The following PGM5 variants were observed in gnomAD, a reference collection of about 807,000 sequenced individuals.
The protein encoded by PGM5 is phosphoglucomutase-like protein 5.
In PGM5, 23 loss-of-function variants were observed where a neutral mutation model predicts 59.2. The ratio of observed to expected loss-of-function variants is 0.39; its 90% CI spans 0.28 to 0.55. The LOEUF is 0.55. Among genes scored for constraint, PGM5 ranks in the 20% least tolerant of loss-of-function variants. PGM5 has a pLI of 0.66. For synonymous variants in PGM5, 214 were observed against 286.0 expected (o/e 0.75, Z 2.54); for missense variants, 574 against 748.3 (o/e 0.77, Z 2.72).
chr9:68,509,551 T>C (rs531653587), intron 10 of PGM5, among the ~76,000 whole-genome samples: 12 of 152,204 alleles, frequency 7.9e-5, no homozygotes, highest in African/African-American at 2.4e-4. Context: ...ATTGAAGAGA[T>C]AGTTTGTTAC....
rs1475907657 is a variant in PGM5 at position 68,458,642 on chromosome 9, A to AGTT, written c.1044-6451_1044-6450insGTT. Among the ~76,000 whole-genome samples, 120 of 152,284 alleles carry AGTT rather than the reference A, an allele frequency of 7.9e-4. 1 individual carries two copies. In the East Asian group the frequency reaches 0.02, roughly 26 times the overall value. ...AGACAGGCAAGGCAGGGGTTATTTA[A>AGTT]TATGTGGATTTTGAAGTTTAGACCA... On this transcript the variant is annotated intron_variant, in intron 6 of 10. Coordinates refer to ENST00000396396, the MANE Select transcript of PGM5 (RefSeq NM_021965.4).
intron 10 of PGM5, among the ~76,000 whole-genome samples, chr9:68,509,072 A>T (rs1208731447): frequency 6.6e-6 from 1 of 152,144 alleles, no homozygotes; most frequent in African/African-American, 2.4e-5. Context: ...CTTCATTCAC[A>T]TGGGGAATAC....
At chr9:68,431,560 A>G (rs1554683030) in intron 6 of PGM5, among the ~76,000 whole-genome samples, 2 of 152,094 alleles carry the variant, frequency 1.3e-5, no homozygotes, top group African/African-American at 4.8e-5. Context: ...TGAACTTTCC[A>G]AAAGAGGCAA....
intron 6 of PGM5, among the ~76,000 whole-genome samples, chr9:68,457,323 C>T (rs960395081): frequency 3.9e-5 from 6 of 152,156 alleles, no homozygotes; most frequent in Non-Finnish European, 5.9e-5. Context: ...GTCCCTGTGG[C>T]CTTGCTGAAA....
intron 6 of PGM5, among the ~76,000 whole-genome samples, chr9:68,417,617 T>TAC (rs1288528669): frequency 6.6e-6 from 1 of 152,164 alleles, no homozygotes; most frequent in East Asian, 1.9e-4. Flanking sequence ...TGGAGATTAG[T>TAC]ACATTACACA....
At chr9:68,376,472 G>C (rs1177625136) in intron 1 of PGM5, among the ~76,000 whole-genome samples, 1 of 128,318 alleles carries the variant, frequency 7.8e-6, no homozygotes, top group Admixed American at 8.2e-5. Context: ...CTTTGCTTTT[G>C]AGCTGTGTGT....
At position 68,475,241 on chromosome 9, in the gene PGM5, G is replaced by T. The variant is rs1468300318; in HGVS notation, c.1160-4177G>T. Among the ~76,000 whole-genome samples, 5 of 143,730 alleles carry T rather than the reference G, an allele frequency of 3.5e-5. No individual in the cohort carries two copies. In the Admixed American group the frequency reaches 3.6e-4, roughly 10 times the overall value. 94.3% of individuals were successfully genotyped at this position (143,730 alleles called of 152,430 possible). A position where few individuals can be genotyped will look rare whatever the true frequency, so the allele number is the denominator to read the frequency against. ...GTAGAGACGAGGTTTCACCATGTTG[G>T]CCAGGCTGGTCTCAAACTCCTGACC... On this transcript the variant is annotated intron_variant, in intron 7 of 10. Transcript: ENST00000396396.
chr9:68,502,607 C>T (rs923785), intron 10 of PGM5, among the ~76,000 whole-genome samples: 64,988 of 152,050 alleles, frequency 0.43, 15,269 homozygotes, highest in Non-Finnish European at 0.51. Context: ...CAGTCACACC[C>T]GATCTCACCC....
At chr9:68,497,167 T>C (rs782172580) in intron 9 of PGM5, 1 of 152,248 alleles carries the variant, frequency 6.6e-6, no homozygotes, top group Non-Finnish European at 1.5e-5. Flanking sequence ...ATTTGGAATT[T>C]TGTAACTATT....
chr9:68,380,233 A>G (rs7045195), intron 2 of PGM5, among the ~76,000 whole-genome samples: 31 of 146,796 alleles, frequency 2.1e-4, no homozygotes, highest in Admixed American at 4.8e-4. Context: ...AAAGATTGAA[A>G]TCATGTCTAG....
intron 6 of PGM5, among the ~76,000 whole-genome samples, chr9:68,454,783 T>C (rs1260702105): frequency 6.6e-6 from 1 of 152,236 alleles, no homozygotes; most frequent in Non-Finnish European, 1.5e-5. Context: ...GCAGCGCATG[T>C]TTGCCTGCCT....
At chr9:68,434,814 G>T (rs549238283) in intron 6 of PGM5, among the ~76,000 whole-genome samples, 2 of 152,182 alleles carry the variant, frequency 1.3e-5, no homozygotes, top group East Asian at 3.9e-4. Context: ...TGATCTCTCT[G>T]TGATGTAGGG....
At chr9:68,466,019 C>A in intron 7 of PGM5, 1 of 558,620 alleles carries the variant, frequency 1.8e-6, no homozygotes, top group Non-Finnish European at 2.8e-6. Context: ...ATTATTTTTT[C>A]AAATATTTCT....
chr9:68,381,499 A>G (rs1323292080), intron 2 of PGM5, among the ~76,000 whole-genome samples: 1 of 151,966 alleles, frequency 6.6e-6, no homozygotes, highest in Non-Finnish European at 1.5e-5. Flanking sequence ...TCTATTCAAC[A>G]TAGTTTTGGA....
chr9:68,477,026 A>T lies in PGM5; in HGVS notation c.1160-2392A>T, dbSNP rs375645785. Among the ~76,000 whole-genome samples, 46 of 152,312 alleles carry T rather than the reference A, an allele frequency of 3.0e-4. 1 individual carries two copies. The South Asian group carries it at 7.9e-3, about 26-fold the overall frequency. The stretch of plus-strand genomic sequence containing the variant: ...TAAAAGGACAAAAGGTTTTGAAGTG[A>T]TCCCACTGGGCAGGGTTTCCTAAAC... On this transcript the variant is annotated intron_variant, in intron 7 of 10. Coordinates refer to ENST00000396396, the MANE Select transcript of PGM5 (RefSeq NM_021965.4).
At chr9:68,487,447 C>CTGTG (rs138391220) in intron 9 of PGM5, among the ~76,000 whole-genome samples, 3 of 146,746 alleles carry the variant, frequency 2.0e-5, no homozygotes, top group East Asian at 2.0e-4. Context: ...CTCTCTCTCT[C>CTGTG]TGTGTCACAC....
chr9:68,428,357 T>C (rs1304480431), intron 6 of PGM5, among the ~76,000 whole-genome samples: 1 of 152,212 alleles, frequency 6.6e-6, no homozygotes, highest in Non-Finnish European at 1.5e-5. Flanking sequence ...GGCAATTTCA[T>C]ATGTGCACAT....
chr9:68,378,748 G>C (rs1166403913), intron 2 of PGM5, among the ~76,000 whole-genome samples: 2 of 152,140 alleles, frequency 1.3e-5, no homozygotes, highest in Non-Finnish European at 2.9e-5. Context: ...ATCAGGGTCA[G>C]ATTAATGATT....
At chr9:68,397,996 A>G (rs1412167852) in intron 6 of PGM5, 7 of 152,234 alleles carry the variant, frequency 4.6e-5, no homozygotes, top group Admixed American at 3.9e-4. Flanking sequence ...AGACAGTGTT[A>G]ATCCTGCAAG....
Sources: allele counts gnomAD v4.1 joint callset (sites outside exome capture counted in the v4.1 genomes callset), GRCh38; gene constraint gnomAD v4.1.1; transcripts MANE v1.5; gene names NCBI Gene and HGNC (gene_info 2026-07-23, HGNC 2026-07-21).